YAP1: variants seen among roughly 807,000 people sequenced by gnomAD.
The protein encoded by YAP1 is Yes1 associated transcriptional regulator.
A neutral mutation model predicts 56.9 loss-of-function variants in YAP1; 5 were observed. The ratio of observed to expected loss-of-function variants is 0.09; its 90% CI spans 0.05 to 0.18. The LOEUF is 0.18. Among genes scored for constraint, YAP1 ranks in the 10% least tolerant of loss-of-function variants. The probability of loss-of-function intolerance (pLI) is 1.00; values close to 1 mark genes in which losing one functional copy is unlikely to be tolerated. For synonymous variants in YAP1, 265 were observed against 248.1 expected (o/e 1.07, Z -0.64); for missense variants, 539 against 651.8 (o/e 0.83, Z 1.88).
intron 4 of YAP1, among the ~76,000 whole-genome samples, chr11:102,189,983 A>C (rs1307001120): frequency 2.0e-5 from 3 of 152,232 alleles, no homozygotes; most frequent in African/African-American, 2.4e-5. Context: ...AATGCACCTA[A>C]CAACCAACTA....
chr11:102,193,279 G>A (rs893766232), intron 4 of YAP1, among the ~76,000 whole-genome samples: 1 of 151,972 alleles, frequency 6.6e-6, no homozygotes, highest in African/African-American at 2.4e-5. Context: ...TAAGATTATA[G>A]AATAGATTTC....
intron 7 of YAP1, among the ~76,000 whole-genome samples, chr11:102,224,186 C>T (rs904045739): frequency 2.6e-5 from 4 of 152,170 alleles, no homozygotes; most frequent in Non-Finnish European, 5.9e-5. Context: ...TGTAAGGCCT[C>T]ATGTTCTTAA....
chr11:102,214,590 A>G (rs1949570386), intron 6 of YAP1, among the ~76,000 whole-genome samples: 1 of 152,188 alleles, frequency 6.6e-6, no homozygotes, highest in African/African-American at 2.4e-5. Flanking sequence ...ACACTTGTCT[A>G]ACGTTATCTT....
chr11:102,189,824 G>A (rs1242101994), intron 4 of YAP1, among the ~76,000 whole-genome samples: 2 of 152,154 alleles, frequency 1.3e-5, no homozygotes. Flanking sequence ...GACTAAAGCC[G>A]AAGGTTGTTG....
chr11:102,188,970 A>G (rs1170229532), intron 4 of YAP1, among the ~76,000 whole-genome samples: 2 of 152,186 alleles, frequency 1.3e-5, no homozygotes, highest in East Asian at 1.9e-4. Context: ...TTAATTTTAG[A>G]GAATTCATTA....
At chr11:102,159,413 GC>G (rs1370733235) in intron 2 of YAP1, among the ~76,000 whole-genome samples, 1 of 152,150 alleles carries the variant, frequency 6.6e-6, no homozygotes, top group Non-Finnish European at 1.5e-5. Flanking sequence ...TCTGTTCCTT[GC>G]CTTCAAACCT....
Position 102,186,040 on chromosome 11 carries a change from A to G in YAP1, c.711A>G (p.Glu237=), listed in dbSNP as rs1302256210. 3 of 1,609,706 alleles carry G rather than the reference A, an allele frequency of 1.9e-6. No homozygotes were observed. The highest frequency in any genetic ancestry group is 2.5e-6 in the Non-Finnish European group (3 of 1,178,804). ...TAGGTCCTCTTCCTGATGGATGGGA[A>G]CAAGCCATGACTCAGGATGGAGAAA... ...SASGPLPDGW[E]QAMTQDGEIY... Residue 237 remains glutamate, a synonymous_variant, in exon 4 of 9, where the codon GAA becomes GAG. Coordinates refer to ENST00000282441, the MANE Select transcript of YAP1 (RefSeq NM_001130145.3).
intron 4 of YAP1, among the ~76,000 whole-genome samples, chr11:102,198,961 T>G (rs1948707835): frequency 6.6e-6 from 1 of 152,144 alleles, no homozygotes; most frequent in African/African-American, 2.4e-5. Context: ...ATAGGAATAT[T>G]TGGAAACAGT....
intron 2 of YAP1, among the ~76,000 whole-genome samples, chr11:102,142,602 T>C (rs1945085705): frequency 6.6e-6 from 1 of 152,254 alleles, no homozygotes; most frequent in Non-Finnish European, 1.5e-5. Flanking sequence ...TTTGAGAATC[T>C]ATTCTTGACA....
At chr11:102,114,774 C>T (rs1943173559) in intron 2 of YAP1, among the ~76,000 whole-genome samples, 1 of 152,256 alleles carries the variant, frequency 6.6e-6, no homozygotes, top group South Asian at 2.1e-4. Flanking sequence ...TTACAAAATA[C>T]GTATGGTGCT....
At chr11:102,179,318 G>C (rs373085485) in intron 3 of YAP1, among the ~76,000 whole-genome samples, 1 of 152,222 alleles carries the variant, frequency 6.6e-6, no homozygotes, top group East Asian at 1.9e-4. Context: ...CCCAGCTTTC[G>C]AGTGTGTAAA....
At position 102,137,145 on chromosome 11, in the gene YAP1, G is replaced by C. The variant is rs191869100; in HGVS notation, c.572+22751G>C. ...AATGTAAATGTTTCTATAATCTGAA[G>C]ATGGAACTAACAAGATCTGGGTTGA... On this transcript the variant is annotated intron_variant, in intron 2 of 8. Coordinates refer to ENST00000282441, the MANE Select transcript of YAP1 (RefSeq NM_001130145.3). Among the ~76,000 whole-genome samples, 20 of 152,292 alleles carry C rather than the reference G, an allele frequency of 1.3e-4. No individual in the cohort carries two copies. The East Asian group carries it at 1.4e-3, about 10-fold the overall frequency.
At chr11:102,196,699 A>T (rs1292838783) in intron 4 of YAP1, among the ~76,000 whole-genome samples, 2 of 150,474 alleles carry the variant, frequency 1.3e-5, no homozygotes, top group Non-Finnish European at 3.0e-5. Context: ...CAATTCTGTG[A>T]ATTTGTAAGA....
chr11:102,204,264 A>T (rs1949015213), intron 4 of YAP1, among the ~76,000 whole-genome samples: 1 of 151,906 alleles, frequency 6.6e-6, no homozygotes, highest in Non-Finnish European at 1.5e-5. Context: ...ATGTAAAGAG[A>T]AATTAAAAGT....
At position 102,121,983 on chromosome 11, in the gene YAP1, A is replaced by C. The variant is rs140971872; in HGVS notation, c.572+7589A>C. On this transcript the variant is annotated intron_variant, in intron 2 of 8. Transcript: ENST00000282441. ...TGGCTAATTTTTAAATTTTTTGTAG[A>C]GACCAGGTTTTACCATGTTGCCCAG... is the stretch of plus-strand genomic sequence containing the variant. 2.0e-5 allele frequency among the ~76,000 whole-genome samples: 3 copies of C among 152,220 alleles called. No homozygotes were observed. In the East Asian group the frequency reaches 5.8e-4, roughly 29 times the overall value.
chr11:102,203,069 T>C (rs1478989361), intron 4 of YAP1, among the ~76,000 whole-genome samples: 1 of 152,168 alleles, frequency 6.6e-6, no homozygotes, highest in East Asian at 1.9e-4. Flanking sequence ...GGAACCTGTG[T>C]ATTAAAACAG....
intron 2 of YAP1, among the ~76,000 whole-genome samples, chr11:102,157,732 C>T (rs539254367): frequency 6.6e-6 from 1 of 152,210 alleles, no homozygotes; most frequent in African/African-American, 2.4e-5. Flanking sequence ...CTTGGTTGTC[C>T]TGATGTCTCT....
At chr11:102,184,813 A>G (rs1947859270) in intron 3 of YAP1, among the ~76,000 whole-genome samples, 1 of 152,202 alleles carries the variant, frequency 6.6e-6, no homozygotes, top group African/African-American at 2.4e-5. Context: ...GAAAAGAAGT[A>G]TAGTTGTGAA....
rs545839266 is a variant in YAP1 at position 102,190,923 on chromosome 11, G to A, written c.802+4792G>A. Among the ~76,000 whole-genome samples the A allele has an allele frequency of 1.3e-4, 20 of 152,052 alleles. No individual in the cohort carries two copies. The East Asian group carries it at 3.9e-3, about 30-fold the overall frequency. ...TGCATTCTAGCCTGGGAGACAGAGCGAAACTCCATCTCAAAAGCCGAGGCT... is the reference window on the plus strand; with the variant it reads ...TGCATTCTAGCCTGGGAGACAGAGCAAAACTCCATCTCAAAAGCCGAGGCT... On this transcript the variant is annotated intron_variant, in intron 4 of 8. Coordinates refer to ENST00000282441, the MANE Select transcript of YAP1 (RefSeq NM_001130145.3).
Sources: gnomAD v4.1 joint callset for allele counts (sites outside exome capture counted in the v4.1 genomes callset) on GRCh38, gnomAD v4.1.1 for gene constraint, MANE v1.5 for transcripts, NCBI Gene and HGNC (gene_info 2026-07-23, HGNC 2026-07-21) for gene names.